The following ADAM9 variants were observed in gnomAD, a reference collection of about 807,000 sequenced individuals.
ADAM9 encodes disintegrin and metalloproteinase domain-containing protein 9.
Under a neutral mutation model 108.1 loss-of-function variants are expected in ADAM9, and 54 were observed. The observed-to-expected ratio is 0.50, with a 90% confidence interval of 0.40 to 0.63. The LOEUF (loss-of-function observed/expected upper bound fraction) is 0.63. Ranked by LOEUF, ADAM9 falls within the 20% of genes least tolerant of loss-of-function variation. The pLI is 0.00. For missense variants in ADAM9, 830 were observed against 997.7 expected, an observed-to-expected ratio of 0.83 and a Z score of 2.26; for synonymous variants, 316 against 336.0, an observed-to-expected ratio of 0.94 and a Z score of 0.65.
Position 39,017,274 on chromosome 8 carries a change from T to C in ADAM9, c.466T>C (p.Ser156Pro), listed in dbSNP as rs1332483199. The change falls in exon 6 of 22, where the codon TCT (serine) becomes CCT (proline). Residue 156 changes from serine to proline, a missense_variant. Around this residue, in one of 3 missense-constraint regions of ADAM9, gnomAD observed 211 missense variants for 222.2 expected, o/e 0.95. Transcript: ENST00000487273. ...SYGIEPLQNS[S>P]HFEHIIYRMD... Reference sequence around the variant, plus strand: ...TGGGATTGAACCCCTGCAGAACAGCTCTCATTTTGAGCACATCATTTATCG... The same window carrying C: ...TGGGATTGAACCCCTGCAGAACAGCCCTCATTTTGAGCACATCATTTATCG... 6.2e-7 allele frequency: 1 copy of C among 1,614,116 alleles called. No homozygotes were observed. The highest frequency in any genetic ancestry group is 1.7e-5 in the Admixed American group (1 of 60,012).
intron 15 of ADAM9, 51 bp from the exon 16 acceptor site, chr8:39,077,177 G>C (rs759527573): frequency 1.3e-6 from 2 of 1,596,970 alleles, no homozygotes; most frequent in Non-Finnish European, 1.7e-6. Context: ...TTTTTCTTTT[G>C]TTATGTATAC....
chr8:39,024,256 A>AT (rs1263855188), intron 9 of ADAM9, among the ~76,000 whole-genome samples: 1 of 152,038 alleles, frequency 6.6e-6, no homozygotes, highest in East Asian at 1.9e-4. Flanking sequence ...GTGGGTCTTA[A>AT]TTTTTAGTAA....
At chr8:39,071,464 T>G (rs1409051159) in intron 15 of ADAM9, 61 bp downstream of exon 15, 1 of 882,860 alleles carries the variant, frequency 1.1e-6, no homozygotes, top group Non-Finnish European at 1.7e-6. Flanking sequence ...ATCTCTAGTA[T>G]CTTTTTTTTT....
At chr8:39,092,644 A>C (rs1410990507) in intron 20 of ADAM9, among the ~76,000 whole-genome samples, 5 of 152,024 alleles carry the variant, frequency 3.3e-5, no homozygotes, top group Non-Finnish European at 5.9e-5. Context: ...TAAAAAAAAA[A>C]CCCACTAATA....
intron 4 of ADAM9, chr8:39,014,436 G>T (rs1203499444): frequency 1.6e-6 from 1 of 625,212 alleles, no homozygotes; most frequent in Non-Finnish European, 2.8e-6. Flanking sequence ...ACACTCATTT[G>T]ATGTTATGTG....
chr8:39,048,167 C>T (rs1408383063), intron 12 of ADAM9, among the ~76,000 whole-genome samples: 1 of 152,140 alleles, frequency 6.6e-6, no homozygotes. Flanking sequence ...GTGATCTACC[C>T]GCCTTGGTCT....
chr8:39,093,845 C>T (rs1430131869), intron 20 of ADAM9, among the ~76,000 whole-genome samples: 1 of 152,240 alleles, frequency 6.6e-6, no homozygotes, highest in African/African-American at 2.4e-5. Context: ...TCTCGGCTTA[C>T]TGCAACCTCT....
At chr8:39,017,650 G>T (rs1331000230) in intron 6 of ADAM9, among the ~76,000 whole-genome samples, 1 of 152,160 alleles carries the variant, frequency 6.6e-6, no homozygotes, top group Non-Finnish European at 1.5e-5. Flanking sequence ...ACTTAAATCT[G>T]CAACAATGTT....
rs775262592 is a variant in ADAM9, at chr8:39,077,401, G to A, written c.1871G>A (p.Gly624Asp). The A allele has an allele frequency of 7.4e-6, 12 of 1,610,990 alleles. No individual in the cohort carries two copies. Among genetic ancestry groups the A allele is most frequent in the Non-Finnish European group, 1.0e-5 (12 of 1,178,416 alleles). ...PGMVNEGTKCGAGKICRNFQC... is the reference protein window; with the variant it reads ...PGMVNEGTKCDAGKICRNFQC... ...ATGGTTAACGAAGGCACAAAATGTG[G>A]TGCTGGAAAGGTAATCAAAATATTT... The change falls in exon 16 of 22, where the codon GGT becomes GAT. Residue 624 changes from glycine (G) to aspartate (D), a missense_variant. Gly to Asp is a moderately conservative substitution (Grantham distance 94). This residue lies in a region of ADAM9 where 238 missense variants were observed against 235.7 expected (regional missense o/e 1.01). Coordinates refer to ENST00000487273, the MANE Select transcript of ADAM9 (RefSeq NM_003816.3).
intron 5 of ADAM9, chr8:39,017,003 G>C: frequency 1.8e-6 from 1 of 557,582 alleles, no homozygotes; most frequent in South Asian, 2.1e-5. Flanking sequence ...GGGAGGTTAA[G>C]TGACTTACAG....
At chr8:39,071,224 T>C in intron 14 of ADAM9, 74 bp from the exon 15 acceptor site, 2 of 1,403,190 alleles carry the variant, frequency 1.4e-6, no homozygotes, top group Middle Eastern at 1.8e-4. Context: ...TAGACTGTTG[T>C]AGGGAATACT....
At chr8:39,074,758 T>C (rs113991167) in intron 15 of ADAM9, among the ~76,000 whole-genome samples, 237 of 152,224 alleles carry the variant, frequency 1.6e-3, no homozygotes, top group African/African-American at 5.6e-3. Context: ...TAGACTGATT[T>C]TTTTTCTTTT....
chr8:39,001,192 A>T (rs1283479504), intron 1 of ADAM9, among the ~76,000 whole-genome samples: 2 of 152,204 alleles, frequency 1.3e-5, no homozygotes, highest in African/African-American at 4.8e-5. Context: ...CAGTCTGTGG[A>T]TAGCAATACA....
At chr8:39,015,353 T>C (rs1018607906) in intron 4 of ADAM9, 6 of 152,228 alleles carry the variant, frequency 3.9e-5, no homozygotes, top group Non-Finnish European at 7.3e-5. Flanking sequence ...ACAGCGTATG[T>C]TCTTAAAACT....
In ADAM9 at chr8:39,045,413, C is replaced by CACACACCTATATGTGCGT. The variant is rs1564301625; in HGVS notation, c.1302+3296_1302+3297insACACACCTATATGTGCGT. Among the ~76,000 whole-genome samples the CACACACCTATATGTGCGT allele has an allele frequency of 1.8e-4, 4 of 21,768 alleles. 1 individual carries two copies. The highest frequency in any genetic ancestry group is 1.4e-3 in the South Asian group (1 of 690). 14.3% of individuals were successfully genotyped at this position (21,768 alleles called of 152,430 possible). A position where few individuals can be genotyped will look rare whatever the true frequency, so the allele number is the denominator to read the frequency against. Reference sequence around the variant, plus strand: ...GTGTGTACACACACCTATATGTGCGCGTGTGTACACACACCTATATGTGCG... The same window carrying CACACACCTATATGTGCGT: ...GTGTGTACACACACCTATATGTGCGCACACACCTATATGTGCGTGTGTGTACACACACCTATATGTGCG... On this transcript the variant is annotated intron_variant, in intron 12 of 21. Transcript: ENST00000487273.
rs549485475 is a variant in ADAM9 at position 39,036,970 on chromosome 8, A to G, written c.1131-4976A>G. ...AGATAATGAGCTTATTTAAAAAATA[A>G]CTTGTTTAGAGGTGGTAGACTTTAT... is the stretch of plus-strand genomic sequence containing the variant. On this transcript the variant is annotated intron_variant, in intron 11 of 21. Transcript: ENST00000487273. Among the ~76,000 whole-genome samples, 82 of 152,092 alleles carry G rather than the reference A, an allele frequency of 5.4e-4. 2 individuals carry two copies. The Middle Eastern group carries it at 0.024, about 44-fold the overall frequency.
intron 12 of ADAM9, among the ~76,000 whole-genome samples, chr8:39,050,180 T>G (rs1289711269): frequency 6.6e-6 from 1 of 152,216 alleles, no homozygotes; most frequent in Non-Finnish European, 1.5e-5. Context: ...TCTTTCTTAC[T>G]GCTTTCAAAA....
intron 14 of ADAM9, among the ~76,000 whole-genome samples, chr8:39,059,859 A>C (rs978309215): frequency 6.6e-6 from 1 of 152,206 alleles, no homozygotes; most frequent in African/African-American, 2.4e-5. Flanking sequence ...ATGGGTAGGA[A>C]GTTCCCCGTG....
chr8:39,061,534 T>C (rs1197397525), intron 14 of ADAM9, among the ~76,000 whole-genome samples: 1 of 152,204 alleles, frequency 6.6e-6, no homozygotes, highest in Admixed American at 6.5e-5. Context: ...GTGCACAGTG[T>C]CTTAGTCTGA....
Sources: allele counts gnomAD v4.1 joint callset (sites outside exome capture counted in the v4.1 genomes callset), GRCh38; gene constraint gnomAD v4.1.1; regional missense constraint gnomAD v4.1.1; transcripts MANE v1.5; gene names NCBI Gene and HGNC (gene_info 2026-07-23, HGNC 2026-07-21).